USP10: variants seen among roughly 807,000 people sequenced by gnomAD.
USP10 encodes the protein ubiquitin carboxyl-terminal hydrolase 10.
A neutral mutation model predicts 84.5 loss-of-function variants in USP10; 22 were observed. The ratio of observed to expected loss-of-function variants is 0.26; its 90% CI spans 0.19 to 0.37. The LOEUF is 0.37. Ranked by LOEUF, USP10 falls within the 10% of genes least tolerant of loss-of-function variation. The pLI is 1.00. For missense variants in USP10, 1,019 were observed against 998.9 expected (o/e 1.02, Z -0.27); for synonymous variants, 454 against 387.6 (o/e 1.17, Z -2.01).
chr16:84,745,585 C>T lies in USP10; in HGVS notation c.1104C>T (p.Ala368=), dbSNP rs1211054597. 2 of 1,612,866 alleles carry T rather than the reference C, an allele frequency of 1.2e-6. No individual in the cohort carries two copies. The highest frequency in any genetic ancestry group is 2.7e-5 in the African/African-American group (2 of 75,012). ...TGGAAACTAAGTATTCCCCTCCCGC[C>T]ATATCTCCCCTGGTTTCTGAAAAGC... ...AYVETKYSPP[A]ISPLVSEKQV... is the part of the protein sequence containing the mutation. Residue 368 remains alanine, a synonymous_variant, in exon 4 of 14, where the codon GCC becomes GCT. Transcript: ENST00000219473.
chr16:84,702,993 C>CAAAAAAAAAAAAAAAAAAAAAA (rs1157728872), intron 1 of USP10, among the ~76,000 whole-genome samples: 4 of 52,156 alleles, frequency 7.7e-5, no homozygotes, highest in African/African-American at 2.6e-4. Flanking sequence ...ACTCCCGTCT[C>CAAAAAAAAAAAAAAAAAAAAAA]AAAAAAAAAA....
chr16:84,757,088 T>C (rs969393491), intron 4 of USP10, among the ~76,000 whole-genome samples: 3 of 152,194 alleles, frequency 2.0e-5, no homozygotes, highest in Admixed American at 2.0e-4. Flanking sequence ...ATGATAATTA[T>C]GAATAATATA....
chr16:84,725,699 C>T (rs1012358329), intron 1 of USP10, among the ~76,000 whole-genome samples: 18 of 152,132 alleles, frequency 1.2e-4, no homozygotes, highest in Non-Finnish European at 1.8e-4. Flanking sequence ...CCACCGTGCC[C>T]GGCCTGTCTG....
chr16:84,725,570 T>G (rs1908353671), intron 1 of USP10, among the ~76,000 whole-genome samples: 1 of 152,060 alleles, frequency 6.6e-6, no homozygotes, highest in Admixed American at 6.5e-5. Context: ...CCGGCTAATT[T>G]TTTTTTGTGT....
At chr16:84,743,159 T>G (rs1006711678) in intron 3 of USP10, among the ~76,000 whole-genome samples, 1 of 152,360 alleles carries the variant, frequency 6.6e-6, no homozygotes, top group African/African-American at 2.4e-5. Context: ...CCCCTTGATA[T>G]TCTTTTCAAA....
At chr16:84,767,612 G>T (rs79998926) in intron 10 of USP10, among the ~76,000 whole-genome samples, 1 of 152,258 alleles carries the variant, frequency 6.6e-6, no homozygotes, top group South Asian at 2.1e-4. Flanking sequence ...CAGGGTGGCT[G>T]CCTTTATGAA....
At chr16:84,758,838 A>C in intron 5 of USP10, 31 bp downstream of exon 5, 1 of 1,487,394 alleles carries the variant, frequency 6.7e-7, no homozygotes, top group Non-Finnish European at 9.4e-7. Context: ...CCGCAAGGCC[A>C]GCTTGTTGCA....
intron 1 of USP10, among the ~76,000 whole-genome samples, chr16:84,730,957 T>C (rs1426401753): frequency 1.3e-5 from 2 of 151,488 alleles, no homozygotes; most frequent in Non-Finnish European, 2.9e-5. Flanking sequence ...GGATAACTTT[T>C]AATATATAGC....
At chr16:84,736,303 A>T (rs1316220816) in intron 2 of USP10, among the ~76,000 whole-genome samples, 2 of 152,198 alleles carry the variant, frequency 1.3e-5, no homozygotes, top group Non-Finnish European at 2.9e-5. Flanking sequence ...TGAAAAACCA[A>T]AATTAAGAAA....
chr16:84,720,722 C>T (rs1907679869), intron 1 of USP10, among the ~76,000 whole-genome samples: 1 of 150,932 alleles, frequency 6.6e-6, no homozygotes, highest in Non-Finnish European at 1.5e-5. Flanking sequence ...GTTAGGACTA[C>T]AGGTGCCCGC....
intron 4 of USP10, 61 bp from the exon 5 acceptor site, chr16:84,758,655 G>C (rs1445483166): frequency 8.4e-7 from 1 of 1,186,358 alleles, no homozygotes; most frequent in East Asian, 2.3e-5. Context: ...CATGTGAAAT[G>C]ATTTGAATGT....
chr16:84,760,343 G>C (rs1913066376), intron 8 of USP10, 68 bp downstream of exon 8: 1 of 1,380,072 alleles, frequency 7.2e-7, no homozygotes, highest in African/African-American at 1.4e-5. Flanking sequence ...TGTGGTAACT[G>C]TTGCTTATTG....
Position 84,702,993 on chromosome 16 carries a change from C to CAAAAAAAAAAAAAAAAAA in USP10, c.21+2885_21+2902dup, listed in dbSNP as rs1157728872. ...GGGCGACAGAGCAAGACTCCCGTCT[C>CAAAAAAAAAAAAAAAAAA]AAAAAAAAAAAAAAAAAAAAGAGCG... is the stretch of plus-strand genomic sequence containing the variant. On this transcript the variant is annotated intron_variant, in intron 1 of 13. Transcript: ENST00000219473. Among the ~76,000 whole-genome samples the CAAAAAAAAAAAAAAAAAA allele has an allele frequency of 5.0e-4, 26 of 52,148 alleles. 1 individual carries two copies. Among genetic ancestry groups the CAAAAAAAAAAAAAAAAAA allele is most frequent in the African/African-American group, 2.1e-3 (25 of 11,652 alleles). The allele number at this position is 52,148 out of a possible 152,430, so 34.2% of individuals were successfully genotyped here. A position where few individuals can be genotyped will look rare whatever the true frequency, so the allele number is the denominator to read the frequency against.
chr16:84,733,016 T>G (rs1909441454), intron 1 of USP10: 2 of 436,192 alleles, frequency 4.6e-6, no homozygotes, highest in Non-Finnish European at 9.0e-6. Context: ...GATTTCCTTG[T>G]CTTCCCATTT....
Position 84,758,801 on chromosome 16 carries a change from T to C in USP10, c.1278T>C (p.Ile426=), listed in dbSNP as rs766225572. ...TCAATAAAGGGAACTGGTGCTACAT[T>C]AATGCTGTATCCTTCCTGGACGCCG... ...GLINKGNWCY[I]NATLQALVAC... Residue 426 remains isoleucine, a synonymous_variant, in exon 5 of 14, where the codon ATT becomes ATC. Transcript: ENST00000219473. 7 of 1,612,232 alleles carry C rather than the reference T, an allele frequency of 4.3e-6. No individual in the cohort carries two copies. The highest frequency in any genetic ancestry group is 1.6e-4 in the Middle Eastern group (1 of 6,062).
chr16:84,705,322 C>G (rs951285884), intron 1 of USP10, among the ~76,000 whole-genome samples: 3 of 151,922 alleles, frequency 2.0e-5, no homozygotes, highest in Non-Finnish European at 4.4e-5. Flanking sequence ...ACTTCTGCCT[C>G]CCGGGTTCAA....
At chr16:84,742,682 T>G (rs1368475060) in intron 3 of USP10, among the ~76,000 whole-genome samples, 2 of 152,186 alleles carry the variant, frequency 1.3e-5, no homozygotes, top group Non-Finnish European at 2.9e-5. Flanking sequence ...GCCTGGCACA[T>G]TGGGCTCTGA....
At chr16:84,773,537 C>G (rs564071541) in intron 12 of USP10, among the ~76,000 whole-genome samples, 47 of 152,304 alleles carry the variant, frequency 3.1e-4, no homozygotes, top group African/African-American at 1.1e-3. Context: ...TATACCTTCC[C>G]GTGAAGACTC....
In USP10 at chr16:84,744,625, C is replaced by T. The variant is rs1376173097; in HGVS notation, c.152-8C>T. The T allele has an allele frequency of 1.3e-6, 2 of 1,586,242 alleles. No homozygotes were observed. Among genetic ancestry groups the T allele is most frequent in the African/African-American group, 2.7e-5 (2 of 73,490 alleles). On this transcript the variant is annotated splice_polypyrimidine_tract_variant and splice_region_variant and intron_variant, in intron 3 of 13. Transcript: ENST00000219473. Reference sequence around the variant, plus strand: ...GGGTTCTTAACTAATAGTTTTCTTTCTAAACAGGACAAGAATATCAGAGAA... The same window carrying T: ...GGGTTCTTAACTAATAGTTTTCTTTTTAAACAGGACAAGAATATCAGAGAA...
Sources: allele counts gnomAD v4.1 joint callset (sites outside exome capture counted in the v4.1 genomes callset), GRCh38; gene constraint gnomAD v4.1.1; transcripts MANE v1.5; gene names NCBI Gene and HGNC (gene_info 2026-07-23, HGNC 2026-07-21).